Variants in TXNDC15 observed in about 807,000 individuals in gnomAD.
The protein encoded by TXNDC15 is thioredoxin domain-containing protein 15.
Under a neutral mutation model 35.0 loss-of-function variants are expected in TXNDC15, and 24 were observed. That is an observed-to-expected ratio of 0.68 (90% CI 0.50 to 0.96). The LOEUF is 0.96. Among genes scored for constraint, TXNDC15 ranks in the 40% least tolerant of loss-of-function variants. The pLI is 0.00. For missense variants in TXNDC15, 385 were observed against 453.3 expected (o/e 0.85, Z 1.37); for synonymous variants, 169 against 174.0 (o/e 0.97, Z 0.23).
intron 4 of TXNDC15, among the ~76,000 whole-genome samples, chr5:134,897,873 G>T (rs1170637353): frequency 6.6e-6 from 1 of 152,092 alleles, no homozygotes; most frequent in Non-Finnish European, 1.5e-5. Context: ...GCTGGGGATG[G>T]TGGTGGGTGC....
intron 1 of TXNDC15, among the ~76,000 whole-genome samples, chr5:134,880,161 A>G (rs1251921958): frequency 6.6e-6 from 1 of 152,132 alleles, no homozygotes; most frequent in Non-Finnish European, 1.5e-5. Flanking sequence ...AAATAGCAAA[A>G]TAGAAACCTC....
At chr5:134,897,027 C>T (rs539767108) in intron 4 of TXNDC15, among the ~76,000 whole-genome samples, 4 of 151,600 alleles carry the variant, frequency 2.6e-5, no homozygotes, top group South Asian at 2.1e-4. Context: ...CTTCAGCCTC[C>T]GCCTCCTAGG....
intron 4 of TXNDC15, 135 bp from the exon 5 acceptor site, chr5:134,899,354 T>C (rs1750554756): frequency 2.9e-6 from 2 of 685,082 alleles, no homozygotes; most frequent in Admixed American, 6.6e-5. Context: ...ATCCATCCCA[T>C]ATATTTATAT....
At position 134,874,409 on chromosome 5, in the gene TXNDC15, T is replaced by A; in HGVS notation, c.-19T>A. 1 of 1,583,180 alleles carries A rather than the reference T, an allele frequency of 6.3e-7. No homozygotes were observed. Among genetic ancestry groups the A allele is most frequent in the Non-Finnish European group, 8.5e-7 (1 of 1,169,728 alleles). ...CACGACTCGCGTAGCCGTGCGCCGA[T>A]TGCCTCTCGGCCTGGGCAATGGTCC... On this transcript the variant is annotated 5_prime_UTR_variant, in exon 1 of 5. In the 5' UTR this introduces an upstream ATG that the reference lacks. Coordinates refer to ENST00000358387, the MANE Select transcript of TXNDC15 (RefSeq NM_024715.4).
chr5:134,887,722 C>T lies in TXNDC15; in HGVS notation c.131C>T (p.Ser44Leu). The change falls in exon 2 of 5, where the codon TCA becomes TTA. Residue 44 changes from serine to leucine, a missense_variant. Coordinates refer to ENST00000358387, the MANE Select transcript of TXNDC15 (RefSeq NM_024715.4). ...EVAEESGRLWSEEQPAHPLQV... is the reference protein window; with the variant it reads ...EVAEESGRLWLEEQPAHPLQV... The stretch of plus-strand genomic sequence containing the variant: ...GCAGAGGAAAGTGGTCGCTTATGGT[C>T]AGAGGAGCAGCCTGCTCACCCTCTC... 1.2e-6 allele frequency: 2 copies of T among 1,601,758 alleles called. No homozygotes were observed. The highest frequency in any genetic ancestry group is 1.7e-6 in the Non-Finnish European group (2 of 1,171,830).
intron 1 of TXNDC15, among the ~76,000 whole-genome samples, chr5:134,884,901 T>A (rs906091144): frequency 6.6e-6 from 1 of 151,898 alleles, no homozygotes; most frequent in Non-Finnish European, 1.5e-5. Context: ...ATGCTGGATA[T>A]TTTAGATTCC....
chr5:134,895,194 T>C (rs1750466228), intron 3 of TXNDC15, among the ~76,000 whole-genome samples: 1 of 151,454 alleles, frequency 6.6e-6, no homozygotes. Context: ...AAAAAAAAAA[T>C]TGTATTCCAC....
chr5:134,891,082 T>C (rs897431572), intron 2 of TXNDC15, among the ~76,000 whole-genome samples: 2 of 152,246 alleles, frequency 1.3e-5, no homozygotes, highest in African/African-American at 2.4e-5. Context: ...CCATTCTCCA[T>C]TGAGGTCTTG....
chr5:134,888,291 G>C, intron 2 of TXNDC15, 109 bp downstream of exon 2: 1 of 1,151,138 alleles, frequency 8.7e-7, no homozygotes, highest in Non-Finnish European at 1.2e-6. Flanking sequence ...TATTGTAAGC[G>C]AGATAGCATT....
chr5:134,883,587 CAAAAA>C (rs60114636), intron 1 of TXNDC15, among the ~76,000 whole-genome samples: 22 of 65,358 alleles, frequency 3.4e-4, no homozygotes, highest in South Asian at 1.8e-3. Context: ...GACCCTGTCT[CAAAAA>C]AAAAAAAAAA....
At chr5:134,880,920 C>T (rs1750128836) in intron 1 of TXNDC15, among the ~76,000 whole-genome samples, 3 of 151,722 alleles carry the variant, frequency 2.0e-5, no homozygotes, top group African/African-American at 7.3e-5. Flanking sequence ...TTGTGATGTG[C>T]TTTGTTGTAG....
Position 134,887,717 on chromosome 5 carries a change from A to G in TXNDC15, c.126A>G (p.Leu42=), listed in dbSNP as rs199652505. 23 of 1,596,222 alleles carry G rather than the reference A, an allele frequency of 1.4e-5. 1 individual carries two copies. In the East Asian group the frequency reaches 2.9e-4, roughly 20 times the overall value. Residue 42 remains leucine, a synonymous_variant, in exon 2 of 5, where the codon TTA becomes TTG. Transcript: ENST00000358387. ...GVEVAEESGR[L]WSEEQPAHPL... The stretch of plus-strand genomic sequence containing the variant: ...TAGTTGCAGAGGAAAGTGGTCGCTT[A>G]TGGTCAGAGGAGCAGCCTGCTCACC...
In TXNDC15 at chr5:134,893,681, TCCATCCTCCTGG is replaced by T. The variant is rs1215629764; in HGVS notation, c.755+28_755+39del. On this transcript the variant is annotated intron_variant, in intron 3 of 4. Transcript: ENST00000358387. Reference sequence around the variant, plus strand: ...GTATCTTCCATTGGTGGGGTTTACGTCCATCCTCCTGGCTGATGGTTGCAGTTATTTGGAGGT... The same window carrying T: ...GTATCTTCCATTGGTGGGGTTTACGTCTGATGGTTGCAGTTATTTGGAGGT... 26 of 1,613,320 alleles carry T rather than the reference TCCATCCTCCTGG, an allele frequency of 1.6e-5. No homozygotes were observed. The African/African-American group carries it at 3.1e-4, about 19-fold the overall frequency.
At chr5:134,889,482 C>G (rs975580624) in intron 2 of TXNDC15, among the ~76,000 whole-genome samples, 1 of 152,188 alleles carries the variant, frequency 6.6e-6, no homozygotes, top group African/African-American at 2.4e-5. Context: ...CTTTGGCCTC[C>G]CAGAGTGTTG....
At chr5:134,884,016 C>T (rs1168175059) in intron 1 of TXNDC15, among the ~76,000 whole-genome samples, 6 of 150,210 alleles carry the variant, frequency 4.0e-5, no homozygotes, top group Admixed American at 3.3e-4. Context: ...GTCAGGAGTT[C>T]GAGACCAGCC....
chr5:134,896,371 A>C lies in TXNDC15; in HGVS notation c.833A>C (p.Asn278Thr), dbSNP rs769742093. The stretch of plus-strand genomic sequence containing the variant: ...GGAGCTAAACCAATGGCCAGATTTA[A>C]TCATACAGATCGAACACTGGAAACA... ...FQGAKPMARF[N>T]HTDRTLETLK... The change falls in exon 4 of 5, where the codon AAT becomes ACT. Residue 278 changes from asparagine (N) to threonine (T), a missense_variant. Transcript: ENST00000358387. 6.2e-7 allele frequency: 1 copy of C among 1,614,000 alleles called. No individual in the cohort carries two copies. The highest frequency in any genetic ancestry group is 8.5e-7 in the Non-Finnish European group (1 of 1,179,980).
chr5:134,874,945 A>G (rs185891650), intron 1 of TXNDC15, among the ~76,000 whole-genome samples: 38 of 152,330 alleles, frequency 2.5e-4, no homozygotes, highest in Admixed American at 5.9e-4. Flanking sequence ...TATCCCATTT[A>G]ATGCTCCCAC....
At chr5:134,895,180 C>CAA (rs1327921647) in intron 3 of TXNDC15, among the ~76,000 whole-genome samples, 3 of 136,568 alleles carry the variant, frequency 2.2e-5, no homozygotes, top group East Asian at 2.1e-4. Context: ...GACCCTGTCT[C>CAA]AAAAAAAAAA....
chr5:134,875,431 C>T (rs953908551), intron 1 of TXNDC15: 4 of 455,894 alleles, frequency 8.8e-6, no homozygotes, highest in African/African-American at 4.0e-5. Context: ...TGAATGAAAG[C>T]GCTCACTGTG....
Sources: gnomAD v4.1 joint callset for allele counts (sites outside exome capture counted in the v4.1 genomes callset) on GRCh38, gnomAD v4.1.1 for gene constraint, MANE v1.5 for transcripts, NCBI Gene and HGNC (gene_info 2026-07-23, HGNC 2026-07-21) for gene names.